The following OSMR variants were observed in gnomAD, a reference collection of about 807,000 sequenced individuals.
The protein encoded by OSMR is oncostatin M receptor, also known as oncostatin-M-specific receptor subunit beta.
In OSMR, 81 loss-of-function variants were observed where a neutral mutation model predicts 99.9. The observed-to-expected ratio is 0.81, with a 90% confidence interval of 0.68 to 0.97. The LOEUF (loss-of-function observed/expected upper bound fraction) is 0.97. OSMR is among the 50% of genes least tolerant of loss of function. OSMR has a pLI of 0.00. For synonymous variants in OSMR, 406 were observed against 410.4 expected (o/e 0.99, Z 0.13); for missense variants, 1,099 against 1,153.4 (o/e 0.95, Z 0.68).
Position 38,850,491 on chromosome 5 carries a change from A to T in OSMR, c.-14+4104A>T, listed in dbSNP as rs192818413. Among the ~76,000 whole-genome samples the T allele has an allele frequency of 8.5e-4, 130 of 152,324 alleles. 1 individual carries two copies. The highest frequency in any genetic ancestry group is 1.7e-3 in the South Asian group (8 of 4,832). On this transcript the variant is annotated intron_variant, in intron 1 of 17. Coordinates refer to ENST00000274276, the MANE Select transcript of OSMR (RefSeq NM_003999.3). ...TAGCTCTGTTCTTAGATCTAGAGTC[A>T]TTGAGGCAATTAACTATCTGGATTA...
At chr5:38,893,958 A>G (rs1744324457) in intron 7 of OSMR, among the ~76,000 whole-genome samples, 2 of 152,230 alleles carry the variant, frequency 1.3e-5, no homozygotes, top group Non-Finnish European at 1.5e-5. Context: ...AGGGACCCCC[A>G]TCAGGCTAAC....
rs138327103 is a variant in OSMR at position 38,910,581 on chromosome 5, A to G, written c.1285+6078A>G. The stretch of plus-strand genomic sequence containing the variant: ...AAATTACTCAAAACCACCCGATTAC[A>G]TGGAAATTAACCTGCTCCTGAAAGA... On this transcript the variant is annotated intron_variant, in intron 9 of 17. Transcript: ENST00000274276. Among the ~76,000 whole-genome samples, 724 of 152,364 alleles carry G rather than the reference A, an allele frequency of 4.8e-3. 5 individuals carry two copies. Among genetic ancestry groups the G allele is most frequent in the African/African-American group, 0.017 (700 of 41,588 alleles).
intron 8 of OSMR, 125 bp downstream of exon 8, chr5:38,904,149 T>G: frequency 6.5e-7 from 1 of 1,535,394 alleles, no homozygotes; most frequent in Non-Finnish European, 8.8e-7. Context: ...GGTCATCTGT[T>G]TTAAAAGGTC....
At chr5:38,914,547 G>A (rs893657829) in intron 9 of OSMR, among the ~76,000 whole-genome samples, 2 of 152,138 alleles carry the variant, frequency 1.3e-5, no homozygotes, top group Non-Finnish European at 2.9e-5. Context: ...CTACCAACAC[G>A]CATATGTTCA....
intron 1 of OSMR, among the ~76,000 whole-genome samples, chr5:38,856,167 T>A (rs890510829): frequency 3.3e-5 from 5 of 152,176 alleles, no homozygotes; most frequent in Non-Finnish European, 7.3e-5. Context: ...AACTGAGGAC[T>A]TCTTGGGTCT....
At chr5:38,847,653 A>G (rs906329461) in intron 1 of OSMR, among the ~76,000 whole-genome samples, 2 of 149,386 alleles carry the variant, frequency 1.3e-5, no homozygotes, top group African/African-American at 2.5e-5. Context: ...CCTTCTATTC[A>G]GAATCTTCAG....
At chr5:38,860,956 A>C (rs1475214033) in intron 1 of OSMR, among the ~76,000 whole-genome samples, 1 of 152,198 alleles carries the variant, frequency 6.6e-6, no homozygotes. Flanking sequence ...TACAGGCGTG[A>C]TTAGGACATT....
intron 5 of OSMR, among the ~76,000 whole-genome samples, chr5:38,884,936 G>C (rs1200793123): frequency 6.6e-6 from 1 of 152,114 alleles, no homozygotes; most frequent in Non-Finnish European, 1.5e-5. Context: ...GAGGTGCTTT[G>C]CCATTCCCTG....
At chr5:38,904,567 A>G (rs187500306) in intron 9 of OSMR, 64 bp downstream of exon 9, 2 of 1,607,332 alleles carry the variant, frequency 1.2e-6, no homozygotes, top group East Asian at 4.5e-5. Flanking sequence ...TGGTTTCCTT[A>G]AGAGATTTTG....
chr5:38,892,370 G>A (rs1250333801), intron 7 of OSMR, among the ~76,000 whole-genome samples: 1 of 152,066 alleles, frequency 6.6e-6, no homozygotes, highest in Non-Finnish European at 1.5e-5. Flanking sequence ...TGGAGACCTG[G>A]TGGCCAGCCT....
chr5:38,903,424 C>G (rs558370522), intron 7 of OSMR, among the ~76,000 whole-genome samples: 34 of 152,364 alleles, frequency 2.2e-4, no homozygotes, highest in African/African-American at 7.2e-4. Flanking sequence ...AGGACATCCT[C>G]TTTCTAGGGA....
At chr5:38,875,134 T>C (rs1356835593) in intron 2 of OSMR, among the ~76,000 whole-genome samples, 1 of 152,222 alleles carries the variant, frequency 6.6e-6, no homozygotes, top group African/African-American at 2.4e-5. Context: ...AAAGATGATA[T>C]CTCTTACGCC....
At chr5:38,866,064 C>T (rs949378862) in intron 1 of OSMR, among the ~76,000 whole-genome samples, 2 of 152,136 alleles carry the variant, frequency 1.3e-5, no homozygotes, top group Non-Finnish European at 2.9e-5. Context: ...TATGTGGGCA[C>T]CAGCAGGCTG....
At chr5:38,851,796 C>A (rs1428349773) in intron 1 of OSMR, among the ~76,000 whole-genome samples, 2 of 152,156 alleles carry the variant, frequency 1.3e-5, no homozygotes, top group African/African-American at 4.8e-5. Flanking sequence ...GTGGGAGGAA[C>A]CCAGTACGAG....
intron 9 of OSMR, among the ~76,000 whole-genome samples, chr5:38,905,873 CTCTT>C (rs1230183158): frequency 6.6e-6 from 1 of 152,154 alleles, no homozygotes; most frequent in Non-Finnish European, 1.5e-5. Context: ...GCTGGCAGAA[CTCTT>C]TCTGTCTGAT....
At position 38,923,260 on chromosome 5, in the gene OSMR, T is replaced by C. The variant is rs1246480130; in HGVS notation, c.1870+6T>C. 2 of 1,536,004 alleles carry C rather than the reference T, an allele frequency of 1.3e-6. No individual in the cohort carries two copies. Among genetic ancestry groups the C allele is most frequent in the Admixed American group, 3.3e-5 (2 of 59,920 alleles). ...AGGATACTCTCAGGAACTTGGTAAGTTTAAAGCATGTAATGTGCCCCATGT... is the reference window on the plus strand; with the variant it reads ...AGGATACTCTCAGGAACTTGGTAAGCTTAAAGCATGTAATGTGCCCCATGT... On this transcript the variant is annotated splice_donor_region_variant and intron_variant, in intron 13 of 17. Transcript: ENST00000274276.
intron 7 of OSMR, among the ~76,000 whole-genome samples, chr5:38,896,536 T>C (rs899079380): frequency 2.0e-5 from 3 of 152,106 alleles, no homozygotes; most frequent in African/African-American, 7.2e-5. Context: ...TCAGTTCTAA[T>C]AGTTTCTTGG....
At chr5:38,906,858 C>T (rs1268342354) in intron 9 of OSMR, among the ~76,000 whole-genome samples, 1 of 152,054 alleles carries the variant, frequency 6.6e-6, no homozygotes, top group African/African-American at 2.4e-5. Context: ...ATTACTTGTC[C>T]TCTCACAAAC....
chr5:38,920,809 G>A (rs1746194274), intron 11 of OSMR, among the ~76,000 whole-genome samples: 1 of 152,190 alleles, frequency 6.6e-6, no homozygotes. Flanking sequence ...ATCCCTGTTG[G>A]AACTCAGTAG....
Sources: allele counts gnomAD v4.1 joint callset (sites outside exome capture counted in the v4.1 genomes callset), GRCh38; gene constraint gnomAD v4.1.1; transcripts MANE v1.5; gene names NCBI Gene and HGNC (gene_info 2026-07-23, HGNC 2026-07-21).